The following TWIST2 variants were observed in gnomAD, a reference collection of about 807,000 sequenced individuals.
TWIST2 encodes the protein twist-related protein 2.
A neutral mutation model predicts 11.6 loss-of-function variants in TWIST2; 1 was observed. The ratio of observed to expected loss-of-function variants is 0.09; its 90% confidence interval spans 0.03 to 0.41. The LOEUF (loss-of-function observed/expected upper bound fraction) is 0.41. TWIST2 is among the 10% of genes least tolerant of loss of function. The pLI is 0.98. For missense variants in TWIST2, 168 were observed against 226.4 expected, an observed-to-expected ratio of 0.74 and a Z score of 1.66; for synonymous variants, 87 against 96.6, an observed-to-expected ratio of 0.90 and a Z score of 0.58.
chr2:238,902,999 C>T (rs1242401201), intron 1 of TWIST2, among the ~76,000 whole-genome samples: 1 of 10,366 alleles, frequency 9.6e-5, no homozygotes, highest in African/African-American at 5.2e-4. Flanking sequence ...TGGGTATGTG[C>T]GTGATGTGAG....
At position 238,856,811 on chromosome 2, in the gene TWIST2, A is replaced by C. The variant is rs551331831; in HGVS notation, c.*35+8078A>C. 1.9e-4 allele frequency among the ~76,000 whole-genome samples: 29 copies of C among 152,162 alleles called. 1 individual carries two copies. In the South Asian group the frequency reaches 5.8e-3, roughly 31 times the overall value. On this transcript the variant is annotated intron_variant, in intron 1 of 1. Coordinates refer to ENST00000612363, the MANE Select transcript of TWIST2 (RefSeq NM_001271893.4). ...CACCCTTCCTGCCGTTCTCAGAAAAACAACACTGTGAAAATCCAGCAGGGC... is the reference window on the plus strand; with the variant it reads ...CACCCTTCCTGCCGTTCTCAGAAAACCAACACTGTGAAAATCCAGCAGGGC...
intron 1 of TWIST2, chr2:238,886,838 G>A (rs1419539864): frequency 6.6e-6 from 1 of 152,220 alleles, no homozygotes; most frequent in Non-Finnish European, 1.5e-5. Context: ...GAGCGAAGAG[G>A]AAGAGGGGGC....
Position 238,851,256 on chromosome 2 carries a change from C to T in TWIST2, c.*35+2523C>T, listed in dbSNP as rs573404583. Among the ~76,000 whole-genome samples the T allele has an allele frequency of 5.9e-5, 9 of 152,208 alleles. No homozygotes were observed. The South Asian group carries it at 8.3e-4, about 14-fold the overall frequency. ...GAGAAACGCAAGAGATGGTGGAGTG[C>T]GGGTGCTGCCGATATCTATCCTGCC... is the stretch of plus-strand genomic sequence containing the variant. On this transcript the variant is annotated intron_variant, in intron 1 of 1. Transcript: ENST00000612363.
intron 1 of TWIST2, among the ~76,000 whole-genome samples, chr2:238,853,617 G>A (rs1337136821): frequency 6.6e-6 from 1 of 152,296 alleles, no homozygotes; most frequent in African/African-American, 2.4e-5. Context: ...ATGCTGATTT[G>A]GAAATGAGGG....
intron 1 of TWIST2, among the ~76,000 whole-genome samples, chr2:238,895,846 C>T (rs1270388502): frequency 2.0e-5 from 3 of 152,148 alleles, no homozygotes; most frequent in African/African-American, 7.2e-5. Context: ...AAGGAGCCGG[C>T]CTGGTCCGCT....
At chr2:238,872,191 C>T (rs1356430312) in intron 1 of TWIST2, among the ~76,000 whole-genome samples, 1 of 152,190 alleles carries the variant, frequency 6.6e-6, no homozygotes, top group Non-Finnish European at 1.5e-5. Flanking sequence ...CAGTCCCTGG[C>T]CAAGAGTCCC....
At chr2:238,876,880 A>G (rs1692815497) in intron 1 of TWIST2, among the ~76,000 whole-genome samples, 1 of 152,146 alleles carries the variant, frequency 6.6e-6, no homozygotes, top group South Asian at 2.1e-4. Context: ...ATCTGAGAAA[A>G]ATTTAACATA....
chr2:238,863,322 A>G lies in TWIST2; in HGVS notation c.*35+14589A>G, dbSNP rs1460747745. On this transcript the variant is annotated intron_variant, in intron 1 of 1. Transcript: ENST00000612363. This position sits in a 1 kb window ranked among gnomAD's most constrained non-coding sequence, Gnocchi z 4.7. ...AATACAAAAGAGTGGCCTTCAGAAT[A>G]TATTTTTGTATCTTCTGCAATCTAC... is the stretch of plus-strand genomic sequence containing the variant. Among the ~76,000 whole-genome samples, 1 of 152,124 alleles carries G rather than the reference A, an allele frequency of 6.6e-6. No individual in the cohort carries two copies. Among genetic ancestry groups the G allele is most frequent in the African/African-American group, 2.4e-5 (1 of 41,424 alleles).
intron 1 of TWIST2, among the ~76,000 whole-genome samples, chr2:238,860,488 A>G (rs1692412156): frequency 2.0e-5 from 3 of 152,198 alleles, no homozygotes; most frequent in Non-Finnish European, 4.4e-5. Flanking sequence ...CCTTTGTGGC[A>G]TTATTCAGCC....
intron 1 of TWIST2, among the ~76,000 whole-genome samples, chr2:238,853,400 A>G (rs1050337756): frequency 6.7e-6 from 1 of 149,180 alleles, no homozygotes; most frequent in East Asian, 2.0e-4. Context: ...AGAGAGAGAG[A>G]GAGGGAGAGA....
chr2:238,883,119 G>T (rs569529393), intron 1 of TWIST2, among the ~76,000 whole-genome samples: 127 of 152,302 alleles, frequency 8.3e-4, no homozygotes, highest in African/African-American at 2.7e-3. Flanking sequence ...TTGCGTTTCT[G>T]AACCTCCATT....
intron 1 of TWIST2, among the ~76,000 whole-genome samples, chr2:238,906,694 C>T (rs1256737521): frequency 6.6e-6 from 1 of 152,170 alleles, no homozygotes; most frequent in Non-Finnish European, 1.5e-5. Flanking sequence ...CCACGTCACC[C>T]GTCCCTCCAG....
At chr2:238,900,644 G>A (rs1212638524) in intron 1 of TWIST2, among the ~76,000 whole-genome samples, 2 of 152,170 alleles carry the variant, frequency 1.3e-5, no homozygotes, top group East Asian at 1.9e-4. Flanking sequence ...CCCTGGACTC[G>A]CTGGGTATGG....
At chr2:238,897,045 A>G (rs1432417395) in intron 1 of TWIST2, among the ~76,000 whole-genome samples, 2 of 152,122 alleles carry the variant, frequency 1.3e-5, no homozygotes, top group Non-Finnish European at 2.9e-5. Flanking sequence ...CAGAATTCTA[A>G]TTGTTTCCTG....
At chr2:238,877,817 C>T (rs1191772779) in intron 1 of TWIST2, among the ~76,000 whole-genome samples, 1 of 151,896 alleles carries the variant, frequency 6.6e-6, no homozygotes, top group Non-Finnish European at 1.5e-5. Context: ...TCAGGTGCAC[C>T]TGGAAGACTA....
intron 1 of TWIST2, among the ~76,000 whole-genome samples, chr2:238,862,089 A>G (rs886547491): frequency 3.9e-5 from 6 of 152,266 alleles, no homozygotes; most frequent in African/African-American, 1.4e-4. Flanking sequence ...GACGGAACAC[A>G]GCGGGACATC....
chr2:238,876,928 T>C (rs906707554), intron 1 of TWIST2, among the ~76,000 whole-genome samples: 1 of 152,216 alleles, frequency 6.6e-6, no homozygotes, highest in Admixed American at 6.5e-5. Context: ...ATGTTTAAAA[T>C]CTCAATAAGC....
intron 1 of TWIST2, among the ~76,000 whole-genome samples, chr2:238,905,363 C>A (rs1476867607): frequency 1.3e-5 from 2 of 152,282 alleles, no homozygotes; most frequent in East Asian, 3.9e-4. Flanking sequence ...TCCAGGTGGC[C>A]TGTGTATGCA....
At chr2:238,855,033 C>T (rs919707573) in intron 1 of TWIST2, among the ~76,000 whole-genome samples, 8 of 152,192 alleles carry the variant, frequency 5.3e-5, no homozygotes, top group Admixed American at 5.2e-4. Context: ...ACTCCCTGGA[C>T]CTGCGACTTG....
Sources: gnomAD v4.1 joint callset for allele counts (sites outside exome capture counted in the v4.1 genomes callset) on GRCh38, gnomAD v4.1.1 for gene constraint, Gnocchi (gnomAD v3.1) non-coding constraint, MANE v1.5 for transcripts, NCBI Gene and HGNC (gene_info 2026-07-23, HGNC 2026-07-21) for gene names.